The following ENTREP2 variants were observed in gnomAD, a reference collection of about 807,000 sequenced individuals.
ENTREP2 encodes protein ENTREP2.
chr15:29,609,499 G>A, the ENTREP2 span, among the ~76,000 whole-genome samples: 2 of 149,578 alleles, frequency 1.3e-5, no homozygotes, highest in African/African-American at 4.9e-5. Flanking sequence ...ATTCACCCCC[G>A]TTCATCTCTC....
At chr15:29,387,458 C>G in the ENTREP2 span, among the ~76,000 whole-genome samples, 2 of 151,926 alleles carry the variant, frequency 1.3e-5, no homozygotes, top group African/African-American at 2.4e-5. Flanking sequence ...CACTGCTCAA[C>G]GAAATAAAAG....
the ENTREP2 span, among the ~76,000 whole-genome samples, chr15:29,242,627 G>C: frequency 6.6e-6 from 1 of 152,224 alleles, no homozygotes; most frequent in Non-Finnish European, 1.5e-5. Flanking sequence ...GCACTCAGTG[G>C]TTCACTCACA....
At chr15:29,344,170 T>A in the ENTREP2 span, among the ~76,000 whole-genome samples, 1 of 152,212 alleles carries the variant, frequency 6.6e-6, no homozygotes, top group African/African-American at 2.4e-5. Context: ...CGACCTGGGC[T>A]GGAGTGGCCA....
chr15:29,447,368 G>A, the ENTREP2 span, among the ~76,000 whole-genome samples: 178 of 152,318 alleles, frequency 1.2e-3, no homozygotes, highest in African/African-American at 3.7e-3. Context: ...ACAGAGTACA[G>A]GGAGCTCTGC....
the ENTREP2 span, chr15:29,268,958 A>G: frequency 1.2e-6 from 2 of 1,614,160 alleles, no homozygotes; most frequent in Non-Finnish European, 1.7e-6. Flanking sequence ...CGCGGGCCCC[A>G]CTGGAATTCG....
the ENTREP2 span, among the ~76,000 whole-genome samples, chr15:29,256,605 T>C: frequency 1.9e-3 from 295 of 152,342 alleles, 4 homozygotes; most frequent in East Asian, 0.036. Context: ...AGTCAAATTA[T>C]GGTGTTTTAA....
chr15:29,235,802 A>C, the ENTREP2 span, among the ~76,000 whole-genome samples: 1 of 152,158 alleles, frequency 6.6e-6, no homozygotes, highest in African/African-American at 2.4e-5. Context: ...TGTCTCTACC[A>C]AAAATACAAA....
At chr15:29,657,483 C>CGGGGCGGGG in the ENTREP2 span, among the ~76,000 whole-genome samples, 101 of 69,360 alleles carry the variant, frequency 1.5e-3, 1 homozygote, top group African/African-American at 5.6e-3. Flanking sequence ...GCTGGGGGGG[C>CGGGGCGGGG]GGGGGGGGGG....
the ENTREP2 span, among the ~76,000 whole-genome samples, chr15:29,124,245 C>T: frequency 2.0e-5 from 3 of 152,190 alleles, no homozygotes; most frequent in East Asian, 1.9e-4. Flanking sequence ...CCCTGTAAGA[C>T]GGCCAGCTCC....
chr15:29,422,884 T>C, the ENTREP2 span, among the ~76,000 whole-genome samples: 6 of 152,174 alleles, frequency 3.9e-5, no homozygotes, highest in African/African-American at 1.2e-4. Context: ...TGGGACATTG[T>C]GGCCAATGGA....
the ENTREP2 span, among the ~76,000 whole-genome samples, chr15:29,486,883 G>T: frequency 6.6e-6 from 1 of 152,182 alleles, no homozygotes; most frequent in Non-Finnish European, 1.5e-5. Flanking sequence ...CAGAGTCTGG[G>T]AAGGGTACCA....
chr15:29,379,327 G>A, the ENTREP2 span, among the ~76,000 whole-genome samples: 1 of 152,176 alleles, frequency 6.6e-6, no homozygotes, highest in African/African-American at 2.4e-5. Context: ...CCTGGACAGG[G>A]GCCAGGGTAG....
At chr15:29,412,891 T>G in the ENTREP2 span, among the ~76,000 whole-genome samples, 3 of 152,064 alleles carry the variant, frequency 2.0e-5, no homozygotes, top group Admixed American at 6.6e-5. Context: ...ACTTCATTCC[T>G]ATTCTTATGT....
At chr15:29,269,474 C>G in the ENTREP2 span, 1,954 of 1,612,192 alleles carry the variant, frequency 1.2e-3, 1 homozygote, top group Non-Finnish European at 1.6e-3. Flanking sequence ...CTCCTGGGCC[C>G]CACGGCGGGG....
chr15:29,582,003 A>T, the ENTREP2 span, among the ~76,000 whole-genome samples: 2 of 148,890 alleles, frequency 1.3e-5, no homozygotes, highest in Non-Finnish European at 3.0e-5. Context: ...GTGCAGTGGC[A>T]TGGTCTCAGC....
the ENTREP2 span, among the ~76,000 whole-genome samples, chr15:29,214,350 T>C: frequency 6.6e-6 from 1 of 152,148 alleles, no homozygotes; most frequent in Non-Finnish European, 1.5e-5. Flanking sequence ...CATGCAATAC[T>C]ATGCAGCCAT....
chr15:29,617,032 T>C, the ENTREP2 span, among the ~76,000 whole-genome samples: 1 of 152,096 alleles, frequency 6.6e-6, no homozygotes, highest in Non-Finnish European at 1.5e-5. Context: ...TGCACTCCAG[T>C]CTGGGCAACT....
At chr15:29,487,481 C>T in the ENTREP2 span, among the ~76,000 whole-genome samples, 1 of 152,246 alleles carries the variant, frequency 6.6e-6, no homozygotes. Flanking sequence ...CCCTCGCTCT[C>T]TCTATCATGT....
the ENTREP2 span, chr15:29,235,039 TC>T: frequency 1.7e-6 from 2 of 1,171,442 alleles, no homozygotes; most frequent in African/African-American, 1.5e-5. Context: ...ATTCTCTTCT[TC>T]CCAGGTAGTG....
Sources: allele counts gnomAD v4.1 joint callset (sites outside exome capture counted in the v4.1 genomes callset), GRCh38; gene constraint gnomAD v4.1.1; transcripts MANE v1.5; gene names NCBI Gene and HGNC (gene_info 2026-07-23, HGNC 2026-07-21).